The following VPS13A variants were observed in gnomAD, a reference collection of about 807,000 sequenced individuals.
The protein encoded by VPS13A is vacuolar protein sorting 13 homolog A, also known as intermembrane lipid transfer protein VPS13A.
A neutral mutation model predicts 390.9 loss-of-function variants in VPS13A; 264 were observed. The ratio of observed to expected loss-of-function variants is 0.68; its 90% CI spans 0.61 to 0.75. The LOEUF (loss-of-function observed/expected upper bound fraction) is 0.75. Ranked by LOEUF, VPS13A falls within the 30% of genes least tolerant of loss-of-function variation. VPS13A has a pLI of 0.00. For missense variants in VPS13A, 3,409 were observed against 3,733.9 expected, an observed-to-expected ratio of 0.91 and a Z score of 2.27; for synonymous variants, 1,231 against 1,227.1, an observed-to-expected ratio of 1.00 and a Z score of -0.07.
intron 71 of VPS13A, among the ~76,000 whole-genome samples, chr9:77,412,115 C>CA (rs918093281): frequency 2.0e-5 from 3 of 151,902 alleles, no homozygotes; most frequent in Admixed American, 2.0e-4. Context: ...GCTTACCAAC[C>CA]AAAAAAAGTC....
At chr9:77,212,739 C>T (rs907004707) in intron 7 of VPS13A, among the ~76,000 whole-genome samples, 1 of 152,022 alleles carries the variant, frequency 6.6e-6, no homozygotes, top group Non-Finnish European at 1.5e-5. Context: ...TGGCACTTAC[C>T]TGTTGGAAGT....
intron 71 of VPS13A, among the ~76,000 whole-genome samples, chr9:77,410,330 A>G (rs890085336): frequency 5.1e-4 from 77 of 152,336 alleles, no homozygotes; most frequent in Non-Finnish European, 9.1e-4. Context: ...GGTACCAGCC[A>G]CTGCAAAAAC....
intron 70 of VPS13A, among the ~76,000 whole-genome samples, chr9:77,407,276 T>C (rs1190535784): frequency 2.0e-5 from 3 of 152,214 alleles, no homozygotes; most frequent in African/African-American, 4.8e-5. Flanking sequence ...GTCGACTCTT[T>C]ATGGCATTAG....
At chr9:77,269,031 T>G (rs1186406063) in intron 23 of VPS13A, among the ~76,000 whole-genome samples, 2 of 152,198 alleles carry the variant, frequency 1.3e-5, no homozygotes, top group Non-Finnish European at 2.9e-5. Context: ...GTTGGTGAGT[T>G]TTTTTGTTTC....
Position 77,214,360 on chromosome 9 carries a change from A to G in VPS13A, c.728A>G (p.Asn243Ser). The change falls in exon 10 of 72, where the codon AAT becomes AGT. Residue 243 changes from asparagine (N) to serine (S), a missense_variant. Coordinates refer to ENST00000360280, the MANE Select transcript of VPS13A (RefSeq NM_033305.3). ...TTGAAGAATGGCATTGTCAATGAAA[A>G]TATTGTTCCAGAAGGTTATGATTTT... ...DDLKNGIVNE[N>S]IVPEGYDFVF... 2 of 1,613,162 alleles carry G rather than the reference A, an allele frequency of 1.2e-6. No individual in the cohort carries two copies. The highest frequency in any genetic ancestry group is 1.7e-6 in the Non-Finnish European group (2 of 1,179,314).
intron 59 of VPS13A, among the ~76,000 whole-genome samples, chr9:77,361,480 A>G (rs967921623): frequency 2.0e-5 from 3 of 152,044 alleles, no homozygotes; most frequent in East Asian, 1.9e-4. Flanking sequence ...GTTTATCCAT[A>G]TATCTGTTAA....
intron 32 of VPS13A, among the ~76,000 whole-genome samples, chr9:77,294,527 G>A (rs1827862250): frequency 6.6e-6 from 1 of 152,068 alleles, no homozygotes; most frequent in Non-Finnish European, 1.5e-5. Context: ...ATTCTTATAA[G>A]CAAGAAAAGT....
intron 5 of VPS13A, among the ~76,000 whole-genome samples, chr9:77,206,954 G>T (rs981634295): frequency 2.6e-5 from 4 of 151,340 alleles, no homozygotes; most frequent in Non-Finnish European, 4.4e-5. Flanking sequence ...TTGTAATTCT[G>T]TTTTTTCTCT....
rs1383386199 is a variant in VPS13A, at chr9:77,405,913, T to A, written c.9325T>A (p.Trp3109Arg). The A allele has an allele frequency of 6.2e-7, 1 of 1,613,832 alleles. No individual in the cohort carries two copies. The highest frequency in any genetic ancestry group is 8.5e-7 in the Non-Finnish European group (1 of 1,179,998). The change falls in exon 70 of 72, where the codon TGG becomes AGG. Residue 3109 changes from tryptophan to arginine, a missense_variant. Transcript: ENST00000360280. ...KGTFGQLTCE[W>R]QYSFDEFTKE... ...AACATTTGGACAACTCACGTGTGAG[T>A]GGCAGTATAGTTTTGATGAATTTAC...
At chr9:77,408,075 T>C (rs1834713729) in intron 71 of VPS13A, among the ~76,000 whole-genome samples, 1 of 152,186 alleles carries the variant, frequency 6.6e-6, no homozygotes, top group South Asian at 2.1e-4. Flanking sequence ...ATTTTGTCCT[T>C]CTTGACTATA....
chr9:77,307,495 G>A (rs1828825708), intron 34 of VPS13A, among the ~76,000 whole-genome samples: 1 of 152,110 alleles, frequency 6.6e-6, no homozygotes, highest in East Asian at 1.9e-4. Flanking sequence ...ATATTCCATA[G>A]ACCTAGGACT....
intron 68 of VPS13A, among the ~76,000 whole-genome samples, chr9:77,396,723 C>T (rs1834133556): frequency 5.9e-5 from 9 of 152,090 alleles, no homozygotes; most frequent in Admixed American, 5.9e-4. Flanking sequence ...ATTAAGTTTT[C>T]TCTAAAGATA....
rs1448553306 is a variant in VPS13A, at chr9:77,226,580, C to G, written c.1339C>G (p.Pro447Ala). The G allele has an allele frequency of 6.2e-7, 1 of 1,612,372 alleles. No individual in the cohort carries two copies. The highest frequency in any genetic ancestry group is 8.5e-7 in the Non-Finnish European group (1 of 1,178,980). ...WSEQNTNEQQ[P>A]DVQPETLEEM... ...AGAACAAAATACTAATGAACAGCAACCAGATGTTCAACCTGAAAGTATGTC... is the reference window on the plus strand; with the variant it reads ...AGAACAAAATACTAATGAACAGCAAGCAGATGTTCAACCTGAAAGTATGTC... The change falls in exon 15 of 72, where the codon CCA becomes GCA. Residue 447 changes from proline to alanine, a missense_variant. Coordinates refer to ENST00000360280, the MANE Select transcript of VPS13A (RefSeq NM_033305.3).
At chr9:77,374,192 C>A (rs1017787802) in intron 67 of VPS13A, among the ~76,000 whole-genome samples, 1 of 152,084 alleles carries the variant, frequency 6.6e-6, no homozygotes, top group African/African-American at 2.4e-5. Context: ...CAGGGATCTG[C>A]AGTGGATGCC....
intron 52 of VPS13A, among the ~76,000 whole-genome samples, chr9:77,348,849 G>A (rs1831307427): frequency 6.6e-6 from 1 of 152,120 alleles, no homozygotes; most frequent in South Asian, 2.1e-4. Context: ...AGGTAGTCCA[G>A]TACGTTTTTG....
rs555782021 is a variant in VPS13A, at chr9:77,317,974, TGCAATTCATG to T, written c.4957-260_4957-251del. On this transcript the variant is annotated intron_variant, in intron 40 of 71. Coordinates refer to ENST00000360280, the MANE Select transcript of VPS13A (RefSeq NM_033305.3). ...TATACTTCATCAGTTTAATAATATC[TGCAATTCATG>T]TATATTAATAATATCATGTAATTCA... Among the ~76,000 whole-genome samples, 893 of 152,036 alleles carry T rather than the reference TGCAATTCATG, an allele frequency of 5.9e-3. 7 individuals are homozygous for T. The highest frequency in any genetic ancestry group is 0.02 in the African/African-American group (841 of 41,534).
chr9:77,366,755 G>T lies in VPS13A; in HGVS notation c.8354G>T (p.Gly2785Val). Residue 2785 changes from glycine to valine, a missense_variant, in exon 61 of 72, where the codon GGC (glycine) becomes GTC (valine). Gly to Val is a moderately radical substitution (Grantham distance 109, BLOSUM62 -3). This residue lies in a region of VPS13A where 123 missense variants were observed against 118.7 expected (regional missense o/e 1.04). Transcript: ENST00000360280. ...CATTTAAGTGTTTCACTGAGTTCCG[G>T]CAGAGAAGAAGCTAAAGATTCAAAA... ...KLHLSVSLSS[G>V]REEAKDSKQN... 1 of 1,612,616 alleles carries T rather than the reference G, an allele frequency of 6.2e-7. No homozygotes were observed. The highest frequency in any genetic ancestry group is 8.5e-7 in the Non-Finnish European group (1 of 1,179,134).
At position 77,295,679 on chromosome 9, in the gene VPS13A, C is replaced by A. The variant is rs138687767; in HGVS notation, c.3645C>A (p.Ala1215=). 6.1e-3 allele frequency: 9,825 copies of A among 1,613,992 alleles called. 45 individuals carry two copies. The highest frequency in any genetic ancestry group is 0.012 in the South Asian group (1,085 of 91,076). The change falls in exon 33 of 72, where the codon GCC becomes GCA. Residue 1215 remains alanine (A), a synonymous_variant. Transcript: ENST00000360280. ...TGGCACTGGATATTAACATCAAAGCCCCAGTTGTGGTCATCCCGCAGTCTC... is the reference window on the plus strand; with the variant it reads ...TGGCACTGGATATTAACATCAAAGCACCAGTTGTGGTCATCCCGCAGTCTC... ...SRMALDINIK[A]PVVVIPQSPV... is the part of the protein sequence containing the mutation.
intron 52 of VPS13A, among the ~76,000 whole-genome samples, chr9:77,350,439 T>A (rs1831389121): frequency 6.6e-6 from 1 of 152,186 alleles, no homozygotes. Flanking sequence ...CATCTCTAGC[T>A]TGGTTGGAAA....
Sources: gnomAD v4.1 joint callset for allele counts (sites outside exome capture counted in the v4.1 genomes callset) on GRCh38, gnomAD v4.1.1 for gene constraint, gnomAD v4.1.1 regional missense constraint, MANE v1.5 for transcripts, NCBI Gene and HGNC (gene_info 2026-07-23, HGNC 2026-07-21) for gene names.